CFHR4: variants seen among roughly 807,000 people sequenced by gnomAD.
CFHR4 encodes complement factor H related 4.
Under a neutral mutation model 69.3 loss-of-function variants are expected in CFHR4, and 64 were observed. The ratio of observed to expected loss-of-function variants is 0.92; its 90% CI spans 0.76 to 1.14. CFHR4 has a LOEUF of 1.14. Among genes scored for constraint, CFHR4 ranks in the 50% most tolerant of loss-of-function variants. The probability of loss-of-function intolerance (pLI) is 0.00; values close to 1 mark genes in which losing one functional copy is unlikely to be tolerated. For synonymous variants in CFHR4, 244 were observed against 237.0 expected (o/e 1.03, Z -0.27); for missense variants, 636 against 684.9 (o/e 0.93, Z 0.80).
At chr1:196,908,933 A>G (rs1456623426) in intron 5 of CFHR4, among the ~76,000 whole-genome samples, 1 of 151,480 alleles carries the variant, frequency 6.6e-6, no homozygotes, top group African/African-American at 2.4e-5. Flanking sequence ...GGCTGATCCT[A>G]TGATGGGCTA....
intron 2 of CFHR4, among the ~76,000 whole-genome samples, chr1:196,903,591 T>G (rs1231293406): frequency 6.6e-6 from 1 of 150,936 alleles, no homozygotes; most frequent in Non-Finnish European, 1.5e-5. Context: ...AGGCGGAGGT[T>G]GCAGTGAGCT....
chr1:196,906,771 G>A (rs1205121501), intron 3 of CFHR4, 90 bp from the exon 4 acceptor site: 5 of 1,348,062 alleles, frequency 3.7e-6, no homozygotes, highest in Non-Finnish European at 5.0e-6. Context: ...CACACTGATT[G>A]GTAAATTTTA....
intron 1 of CFHR4, among the ~76,000 whole-genome samples, chr1:196,898,047 T>G (rs1469353905): frequency 2.6e-5 from 4 of 151,458 alleles, no homozygotes; most frequent in Non-Finnish European, 5.9e-5. Context: ...TTATTTGCAT[T>G]TTTACTGTGT....
intron 3 of CFHR4, among the ~76,000 whole-genome samples, chr1:196,905,839 T>A (rs1657880349): frequency 6.6e-6 from 1 of 151,222 alleles, no homozygotes; most frequent in Admixed American, 6.6e-5. Flanking sequence ...AGAAAAAGAG[T>A]AAGTGGGTGG....
intron 1 of CFHR4, among the ~76,000 whole-genome samples, chr1:196,899,228 T>C (rs1657466366): frequency 6.6e-6 from 1 of 151,516 alleles, no homozygotes; most frequent in South Asian, 2.1e-4. Flanking sequence ...TTCTTTTTTT[T>C]TTCTATCTTG....
At chr1:196,900,423 G>T (rs563122450) in intron 1 of CFHR4, among the ~76,000 whole-genome samples, 65 of 149,748 alleles carry the variant, frequency 4.3e-4, no homozygotes, top group Admixed American at 1.3e-3. Context: ...TCAAGCTTGT[G>T]GTATTAATGA....
At chr1:196,895,587 G>C (rs1378403049) in intron 1 of CFHR4, among the ~76,000 whole-genome samples, 1 of 150,640 alleles carries the variant, frequency 6.6e-6, no homozygotes, top group Admixed American at 6.6e-5. Flanking sequence ...TTTAATTATT[G>C]TACTTTCAGA....
At chr1:196,893,204 G>A (rs1004082796) in intron 1 of CFHR4, among the ~76,000 whole-genome samples, 6 of 151,698 alleles carry the variant, frequency 4.0e-5, no homozygotes, top group East Asian at 1.9e-4. Context: ...AAATTGTAGC[G>A]TAAGAAGCAT....
chr1:196,891,789 A>G lies in CFHR4; in HGVS notation c.58+3581A>G, dbSNP rs375492944. 8.4e-4 allele frequency among the ~76,000 whole-genome samples: 127 copies of G among 151,306 alleles called. 5 individuals are homozygous for G. In the East Asian group the frequency reaches 0.021, roughly 25 times the overall value. ...TGGTAGTGTTCAATGTTCTCTTTGT[A>G]TATACATATACATATATAAATATAC... is the stretch of plus-strand genomic sequence containing the variant. On this transcript the variant is annotated intron_variant, in intron 1 of 9. Transcript: ENST00000608469.
chr1:196,907,604 A>G (rs1014821992), intron 5 of CFHR4, 106 bp downstream of exon 5: 3 of 885,690 alleles, frequency 3.4e-6, no homozygotes, highest in African/African-American at 3.4e-5. Context: ...CTGTGTTCAC[A>G]AACAGCTATT....
chr1:196,907,176 A>T, intron 4 of CFHR4, 139 bp downstream of exon 4: 1 of 1,205,120 alleles, frequency 8.3e-7, no homozygotes, highest in Non-Finnish European at 1.2e-6. Context: ...TTACCTTGAA[A>T]CTTAAAAAAA....
At position 196,893,929 on chromosome 1, in the gene CFHR4, C is replaced by T. The variant is rs1469399774; in HGVS notation, c.58+5721C>T. Among the ~76,000 whole-genome samples, 4 of 151,444 alleles carry T rather than the reference C, an allele frequency of 2.6e-5. No homozygotes were observed. In the East Asian group the frequency reaches 7.7e-4, roughly 29 times the overall value. On this transcript the variant is annotated intron_variant, in intron 1 of 9. Coordinates refer to ENST00000608469, the MANE Select transcript of CFHR4 (RefSeq NM_001201550.3). ...AATTCTAAGACTCAGGTGACACAGA[C>T]CTAATCTCTCTATGTGCTTCCATGA...
intron 1 of CFHR4, among the ~76,000 whole-genome samples, chr1:196,892,750 T>C (rs1657100638): frequency 6.6e-6 from 1 of 151,512 alleles, no homozygotes; most frequent in South Asian, 2.1e-4. Flanking sequence ...TTAACTTCTT[T>C]CAAAAATGCC....
intron 7 of CFHR4, among the ~76,000 whole-genome samples, chr1:196,913,660 T>C (rs1658407683): frequency 6.6e-6 from 1 of 151,462 alleles, no homozygotes; most frequent in African/African-American, 2.4e-5. Context: ...TTTTTAAAGA[T>C]AAATTGCCTA....
At chr1:196,905,413 C>A in intron 3 of CFHR4, 123 bp downstream of exon 3, 2 of 1,320,896 alleles carry the variant, frequency 1.5e-6, no homozygotes, top group Non-Finnish European at 2.1e-6. Flanking sequence ...ATACTTCTAA[C>A]ATCATCTAAC....
Position 196,910,311 on chromosome 1 carries a change from A to C in CFHR4, c.830A>C (p.Gln277Pro), listed in dbSNP as rs1281901974. 4 of 1,601,886 alleles carry C rather than the reference A, an allele frequency of 2.5e-6. No individual in the cohort carries two copies. Among genetic ancestry groups the C allele is most frequent in the Middle Eastern group, 1.7e-4 (1 of 6,022 alleles). Reference protein sequence around the residue: ...SMKPCEFPEIQHGHLYYENTR... With the variant: ...SMKPCEFPEIPHGHLYYENTR... ...AAACCTTGTGAGTTTCCAGAAATTC[A>C]ACATGGACATCTATATTATGAGAAT... Residue 277 changes from glutamine (Q) to proline (P), a missense_variant, in exon 6 of 10, where the codon CAA becomes CCA. By Grantham distance (76) the Gln-to-Pro change is moderately conservative. Coordinates refer to ENST00000608469, the MANE Select transcript of CFHR4 (RefSeq NM_001201550.3).
At position 196,902,513 on chromosome 1, in the gene CFHR4, T is replaced by C. The variant is rs1178969491; in HGVS notation, c.154T>C (p.Tyr52His). The change falls in exon 2 of 10, where the codon TAT becomes CAT. Residue 52 changes from tyrosine (Y) to histidine (H), a missense_variant. Transcript: ENST00000608469. The stretch of plus-strand genomic sequence containing the variant: ...CTTTCCAGCAGCTGCAGGACAATCT[T>C]ATTCCTATTACTGTGATCAAAATTT... ...LYFPAAAGQS[Y>H]SYYCDQNFVT... The C allele has an allele frequency of 6.2e-7, 1 of 1,611,168 alleles. No homozygotes were observed. Among genetic ancestry groups the C allele is most frequent in the Non-Finnish European group, 8.5e-7 (1 of 1,178,214 alleles).
At chr1:196,895,143 G>T (rs750948277) in intron 1 of CFHR4, among the ~76,000 whole-genome samples, 2 of 151,394 alleles carry the variant, frequency 1.3e-5, no homozygotes, top group South Asian at 4.2e-4. Flanking sequence ...TGAGGCAGGA[G>T]GATTGCTTTA....
At position 196,914,730 on chromosome 1, in the gene CFHR4, T is replaced by C. The variant is rs1658490401; in HGVS notation, c.1357+59T>C. The C allele has an allele frequency of 2.7e-6, 4 of 1,478,410 alleles. 1 individual carries two copies. The highest frequency in any genetic ancestry group is 4.7e-4 in the Middle Eastern group (2 of 4,272). The allele number at this position is 1,478,410 out of a possible 1,614,324, so 91.6% of individuals were successfully genotyped here. ...TTAAATAAAATAATAGACACCTACATATGTATATGTACACATATGTGTGTA... is the reference window on the plus strand; with the variant it reads ...TTAAATAAAATAATAGACACCTACACATGTATATGTACACATATGTGTGTA... On this transcript the variant is annotated intron_variant, in intron 8 of 9. Coordinates refer to ENST00000608469, the MANE Select transcript of CFHR4 (RefSeq NM_001201550.3).
Sources: allele counts gnomAD v4.1 joint callset (sites outside exome capture counted in the v4.1 genomes callset), GRCh38; gene constraint gnomAD v4.1.1; transcripts MANE v1.5; gene names NCBI Gene and HGNC (gene_info 2026-07-23, HGNC 2026-07-21).